Variants in TENM3 observed in about 807,000 individuals in gnomAD.
TENM3 encodes the protein teneurin-3.
A neutral mutation model predicts 255.1 loss-of-function variants in TENM3; 63 were observed. The observed-to-expected ratio is 0.25, with a 90% CI of 0.20 to 0.30. The LOEUF (loss-of-function observed/expected upper bound fraction) is 0.30. Among genes scored for constraint, TENM3 ranks in the 10% least tolerant of loss-of-function variants. The pLI is 1.00. For missense variants in TENM3, 2,929 were observed against 3,461.1 expected (o/e 0.85, Z 3.86); for synonymous variants, 1,306 against 1,322.3 (o/e 0.99, Z 0.27).
At chr4:181,740,843 C>T in the TENM3 span, among the ~76,000 whole-genome samples, 1 of 152,106 alleles carries the variant, frequency 6.6e-6, no homozygotes, top group Admixed American at 6.6e-5. Flanking sequence ...CACACATTGC[C>T]CTCTTTCCAC....
the TENM3 span, among the ~76,000 whole-genome samples, chr4:181,510,560 C>A: frequency 1.4e-5 from 2 of 144,224 alleles, no homozygotes; most frequent in Admixed American, 6.8e-5. Context: ...AATAACCACA[C>A]ATTTTTTTTA....
At chr4:182,163,057 CT>C (rs1447844836) in intron 1 of TENM3, among the ~76,000 whole-genome samples, 1 of 152,182 alleles carries the variant, frequency 6.6e-6, no homozygotes, top group East Asian at 1.9e-4. Context: ...TAAGAGCCAT[CT>C]TCAAGACGGC....
the TENM3 span, among the ~76,000 whole-genome samples, chr4:181,690,156 G>A: frequency 6.6e-6 from 1 of 152,032 alleles, no homozygotes; most frequent in Non-Finnish European, 1.5e-5. Context: ...ACTAAAATTC[G>A]GGGACTGATG....
At chr4:181,559,352 T>C in the TENM3 span, among the ~76,000 whole-genome samples, 1 of 152,176 alleles carries the variant, frequency 6.6e-6, no homozygotes, top group Admixed American at 6.5e-5. Context: ...TGATCCAACC[T>C]GTTTTCTGAC....
chr4:182,383,267 G>C (rs1174583218), intron 3 of TENM3, among the ~76,000 whole-genome samples: 1 of 152,082 alleles, frequency 6.6e-6, no homozygotes, highest in Non-Finnish European at 1.5e-5. Flanking sequence ...AATTTGACCA[G>C]ATATGGAAGA....
intron 1 of TENM3, among the ~76,000 whole-genome samples, chr4:182,152,657 G>C (rs188675929): frequency 2.7e-4 from 41 of 151,616 alleles, no homozygotes; most frequent in African/African-American, 9.7e-4. Context: ...TTTTTTCTTC[G>C]ATTTTTACTA....
the TENM3 span, among the ~76,000 whole-genome samples, chr4:181,944,656 G>T: frequency 6.6e-6 from 1 of 152,056 alleles, no homozygotes; most frequent in Admixed American, 6.6e-5. Context: ...GAGCCACCGT[G>T]CCCCTCTCCA....
At chr4:182,422,914 G>A (rs1580486474) in intron 3 of TENM3, among the ~76,000 whole-genome samples, 2 of 152,296 alleles carry the variant, frequency 1.3e-5, no homozygotes, top group Admixed American at 1.3e-4. Flanking sequence ...GAAAGTCTAA[G>A]TTGCGGAGCT....
the TENM3 span, among the ~76,000 whole-genome samples, chr4:181,849,439 C>G: frequency 6.6e-6 from 1 of 152,084 alleles, no homozygotes; most frequent in African/African-American, 2.4e-5. Flanking sequence ...TGAGCAAAGT[C>G]ATTTTCCTAT....
chr4:182,791,585 C>G (rs1766106456), intron 25 of TENM3, among the ~76,000 whole-genome samples: 1 of 152,260 alleles, frequency 6.6e-6, no homozygotes, highest in South Asian at 2.1e-4. Flanking sequence ...GATTTGGTAT[C>G]CACAGAAAGA....
chr4:182,319,202 T>C (rs1294843512), intron 1 of TENM3, among the ~76,000 whole-genome samples: 1 of 152,254 alleles, frequency 6.6e-6, no homozygotes, highest in African/African-American at 2.4e-5. Context: ...TTGCTAAATA[T>C]GCACACAGTG....
chr4:181,545,797 A>G, the TENM3 span, among the ~76,000 whole-genome samples: 1 of 152,230 alleles, frequency 6.6e-6, no homozygotes, highest in South Asian at 2.1e-4. Context: ...TTATGCAAAT[A>G]GTCCTAGATC....
chr4:182,048,414 T>C, the TENM3 span, among the ~76,000 whole-genome samples: 1 of 152,202 alleles, frequency 6.6e-6, no homozygotes, highest in Non-Finnish European at 1.5e-5. Context: ...GTTTACTTAA[T>C]CCAAACACAT....
intron 1 of TENM3, among the ~76,000 whole-genome samples, chr4:182,256,560 C>G (rs934223542): frequency 6.6e-6 from 1 of 152,078 alleles, no homozygotes; most frequent in South Asian, 2.1e-4. Flanking sequence ...GTATATAGTC[C>G]GTGAAGAATC....
intron 1 of TENM3, among the ~76,000 whole-genome samples, chr4:182,280,785 T>C (rs1760330441): frequency 6.6e-6 from 1 of 152,216 alleles, no homozygotes; most frequent in Non-Finnish European, 1.5e-5. Context: ...TCAAACCTTG[T>C]TAAGCCAACT....
At chr4:181,532,800 T>C in the TENM3 span, among the ~76,000 whole-genome samples, 1,404 of 152,308 alleles carry the variant, frequency 9.2e-3, 23 homozygotes, top group African/African-American at 0.032. Context: ...AGTACTACAA[T>C]ATTTAACCTA....
the TENM3 span, among the ~76,000 whole-genome samples, chr4:181,702,911 C>T: frequency 6.6e-6 from 1 of 152,038 alleles, no homozygotes; most frequent in South Asian, 2.1e-4. Flanking sequence ...TATGAATTGT[C>T]CCTGGCCAGT....
chr4:182,034,662 GA>G, the TENM3 span, among the ~76,000 whole-genome samples: 2 of 152,252 alleles, frequency 1.3e-5, no homozygotes, highest in Non-Finnish European at 2.9e-5. Flanking sequence ...GGCCAGATAT[GA>G]AATTTTGGGT....
the TENM3 span, among the ~76,000 whole-genome samples, chr4:181,499,781 A>G: frequency 2.6e-5 from 4 of 152,178 alleles, no homozygotes; most frequent in Non-Finnish European, 5.9e-5. Context: ...AAAAATAAGT[A>G]GACACTCGGG....
Sources: gnomAD v4.1 joint callset for allele counts (sites outside exome capture counted in the v4.1 genomes callset) on GRCh38, gnomAD v4.1.1 for gene constraint, MANE v1.5 for transcripts, NCBI Gene and HGNC (gene_info 2026-07-23, HGNC 2026-07-21) for gene names.